CEP162: variants seen among roughly 807,000 people sequenced by gnomAD.
CEP162 encodes the protein centrosomal protein of 162 kDa.
CEP162 carries 141 observed loss-of-function variants against 169.2 expected under a neutral mutation model. The observed-to-expected ratio is 0.83, with a 90% CI of 0.73 to 0.96. The LOEUF (loss-of-function observed/expected upper bound fraction) is 0.96, where lower values mean the gene tolerates loss of function less well. Among genes scored for constraint, CEP162 ranks in the 40% least tolerant of loss-of-function variants. CEP162 has a pLI of 0.00. For missense variants in CEP162, 1,600 were observed against 1,587.2 expected (o/e 1.01, Z -0.14); for synonymous variants, 540 against 526.4 (o/e 1.03, Z -0.35).
chr6:84,169,478 G>T, intron 17 of CEP162, 45 bp from the exon 18 acceptor site: 1 of 1,138,880 alleles, frequency 8.8e-7, no homozygotes, highest in Non-Finnish European at 1.2e-6. Context: ...TTCTTACCAG[G>T]TGCTCCTTTC....
At chr6:84,165,671 C>G (rs1275622130) in intron 18 of CEP162, among the ~76,000 whole-genome samples, 1 of 152,150 alleles carries the variant, frequency 6.6e-6, no homozygotes, top group African/African-American at 2.4e-5. Context: ...GTACGCTAAA[C>G]TGAACCTATG....
chr6:84,187,887 C>T (rs1321093937), intron 11 of CEP162, among the ~76,000 whole-genome samples: 2 of 152,086 alleles, frequency 1.3e-5, no homozygotes, highest in African/African-American at 2.4e-5. Context: ...GAGCTCAACA[C>T]AGAATGAGCT....
chr6:84,188,853 G>C (rs748179047), intron 11 of CEP162, among the ~76,000 whole-genome samples: 6 of 152,114 alleles, frequency 3.9e-5, no homozygotes, highest in Non-Finnish European at 8.8e-5. Context: ...CCCACCAGCA[G>C]TGTATAAATG....
Position 84,201,706 on chromosome 6 carries a change from C to G in CEP162, c.718+31G>C, listed in dbSNP as rs75816196. 9.0e-4 allele frequency: 1,048 copies of G among 1,160,908 alleles called. 5 individuals are homozygous for G. In the African/African-American group the frequency reaches 0.014, roughly 16 times the overall value. 71.9% of individuals were successfully genotyped at this position (1,160,908 alleles called of 1,614,324 possible). A position where few individuals can be genotyped will look rare whatever the true frequency, so the allele number is the denominator to read the frequency against. ...AATTCTGAACAGACTAATTTTTTGC[C>G]AACTAAAACATGAATATAAATAATA... On this transcript the variant is annotated intron_variant, in intron 8 of 26. Coordinates refer to ENST00000403245, the MANE Select transcript of CEP162 (RefSeq NM_014895.4).
At chr6:84,197,785 C>T (rs545738322) in intron 9 of CEP162, among the ~76,000 whole-genome samples, 1 of 150,218 alleles carries the variant, frequency 6.7e-6, no homozygotes, top group African/African-American at 2.5e-5. Context: ...CCACTGCATT[C>T]CAGCCTGGGT....
chr6:84,188,315 G>A (rs766785392), intron 11 of CEP162, among the ~76,000 whole-genome samples: 2 of 151,864 alleles, frequency 1.3e-5, no homozygotes, highest in Non-Finnish European at 2.9e-5. Context: ...GGGATTTGGT[G>A]TTCAGACTAT....
At chr6:84,199,848 C>T (rs1262493989) in intron 9 of CEP162, among the ~76,000 whole-genome samples, 3 of 152,084 alleles carry the variant, frequency 2.0e-5, no homozygotes, top group African/African-American at 4.8e-5. Context: ...TCAAAAATTC[C>T]AAAAGACCAT....
In CEP162 at chr6:84,174,790, T is replaced by C. The variant is rs761301706; in HGVS notation, c.1962A>G (p.Leu654=). The change falls in exon 15 of 27, where the codon CTA becomes CTG. Residue 654 remains leucine, a synonymous_variant. Coordinates refer to ENST00000403245, the MANE Select transcript of CEP162 (RefSeq NM_014895.4). ...EKELENKLEE[L]KKQQEKELFK... ...AGAGTTCTTTTTCCTGTTGTTTCTTTAGTTCTTCCAACTTATTTTCTAGTT... is the reference window on the plus strand; with the variant it reads ...AGAGTTCTTTTTCCTGTTGTTTCTTCAGTTCTTCCAACTTATTTTCTAGTT... The C allele has an allele frequency of 3.2e-6, 5 of 1,579,644 alleles. No homozygotes were observed. In the African/African-American group the frequency reaches 4.0e-5, roughly 13 times the overall value.
chr6:84,175,508 A>C (rs2099532051), intron 13 of CEP162, among the ~76,000 whole-genome samples, 161 bp from the exon 14 acceptor site: 1 of 152,190 alleles, frequency 6.6e-6, no homozygotes, highest in South Asian at 2.1e-4. Context: ...ACTATAACTG[A>C]TTGCATTCAG....
At chr6:84,178,429 G>A (rs1258281981) in intron 13 of CEP162, among the ~76,000 whole-genome samples, 3 of 152,000 alleles carry the variant, frequency 2.0e-5, no homozygotes, top group Non-Finnish European at 4.4e-5. Context: ...AGGGATAAAT[G>A]GGATTCATTA....
Position 84,213,701 on chromosome 6 carries a change from C to CGGCCT in CEP162, c.504-682_504-678dup, listed in dbSNP as rs1233783950. Among the ~76,000 whole-genome samples the CGGCCT allele has an allele frequency of 2.0e-5, 3 of 152,000 alleles. No homozygotes were observed. The East Asian group carries it at 5.8e-4, about 29-fold the overall frequency. On this transcript the variant is annotated intron_variant, in intron 5 of 26. Transcript: ENST00000403245. Reference sequence around the variant, plus strand: ...GTTCAATGCTATTCTGTACTTTGACCGGCCTGTTCTACAGCAGAAATATCA... The same window carrying CGGCCT: ...GTTCAATGCTATTCTGTACTTTGACCGGCCTGGCCTGTTCTACAGCAGAAATATCA...
chr6:84,153,402 G>T (rs1484144961), intron 22 of CEP162, among the ~76,000 whole-genome samples: 1 of 151,976 alleles, frequency 6.6e-6, no homozygotes, highest in African/African-American at 2.4e-5. Flanking sequence ...TTTAATAATT[G>T]ATATGTTGCT....
At chr6:84,127,325 T>TA (rs2099509343) in intron 25 of CEP162, among the ~76,000 whole-genome samples, 1 of 122,374 alleles carries the variant, frequency 8.2e-6, no homozygotes, top group African/African-American at 4.2e-5. Context: ...ACAATAATAC[T>TA]AATACTAAAA....
chr6:84,205,286 T>C (rs1272016647), intron 6 of CEP162, among the ~76,000 whole-genome samples: 2 of 152,118 alleles, frequency 1.3e-5, no homozygotes, highest in African/African-American at 4.8e-5. Context: ...AAAGAGAATT[T>C]TAGACCAATA....
At chr6:84,201,045 A>G (rs925289393) in intron 8 of CEP162, 140 bp from the exon 9 acceptor site, 107 of 408,468 alleles carry the variant, frequency 2.6e-4, no homozygotes, top group South Asian at 9.2e-4. Context: ...TTGGGAGGCC[A>G]AGGCGGGCAG....
chr6:84,130,330 T>G (rs1231321301), intron 25 of CEP162, among the ~76,000 whole-genome samples: 1 of 152,170 alleles, frequency 6.6e-6, no homozygotes, highest in African/African-American at 2.4e-5. Flanking sequence ...TTTTTTGTTG[T>G]GTTTCTGCCA....
intron 14 of CEP162, 35 bp from the exon 15 acceptor site, chr6:84,174,989 C>A: frequency 1.5e-6 from 2 of 1,353,162 alleles, no homozygotes; most frequent in Non-Finnish European, 1.0e-6. Context: ...TTACAGTAGA[C>A]TTATGTATAA....
intron 6 of CEP162, among the ~76,000 whole-genome samples, chr6:84,212,079 T>C (rs1014441838): frequency 6.6e-6 from 1 of 151,938 alleles, no homozygotes; most frequent in African/African-American, 2.4e-5. Context: ...CAAGTAAAAG[T>C]ATTCCTCAAA....
At chr6:84,181,399 C>G (rs1228563359) in intron 13 of CEP162, among the ~76,000 whole-genome samples, 1 of 152,114 alleles carries the variant, frequency 6.6e-6, no homozygotes, top group African/African-American at 2.4e-5. Context: ...CATAAAAACC[C>G]TAGAAGAAAA....
Sources: allele counts gnomAD v4.1 joint callset (sites outside exome capture counted in the v4.1 genomes callset), GRCh38; gene constraint gnomAD v4.1.1; transcripts MANE v1.5; gene names NCBI Gene and HGNC (gene_info 2026-07-23, HGNC 2026-07-21).